Variants in SUPT3H observed in about 807,000 individuals in gnomAD.
The protein encoded by SUPT3H is SPT3 homolog, SAGA and STAGA complex component, also known as transcription initiation protein SPT3 homolog.
SUPT3H carries 44 observed loss-of-function variants against 44.3 expected under a neutral mutation model. The observed-to-expected ratio is 0.99, with a 90% CI of 0.78 to 1.28. SUPT3H has a LOEUF of 1.28. Ranked by LOEUF, SUPT3H falls within the 50% of genes most tolerant of loss-of-function variation. The probability of loss-of-function intolerance (pLI) is 0.00; values close to 1 mark genes in which losing one functional copy is unlikely to be tolerated. For synonymous variants in SUPT3H, 124 were observed against 125.6 expected (o/e 0.99, Z 0.09); for missense variants, 380 against 387.1 (o/e 0.98, Z 0.15).
chr6:45,365,096 C>T, intron 2 of SUPT3H, 105 bp downstream of exon 2: 1 of 727,966 alleles, frequency 1.4e-6, no homozygotes, highest in Non-Finnish European at 2.1e-6. Flanking sequence ...TGATTAATAA[C>T]AAATTATTTC....
At chr6:44,814,685 A>AT (rs962144616) in intron 11 of SUPT3H, among the ~76,000 whole-genome samples, 15 of 148,864 alleles carry the variant, frequency 1.0e-4, no homozygotes, top group South Asian at 6.5e-4. Context: ...TTTTACTGTT[A>AT]TTTTTTTTTT....
At chr6:45,065,746 C>G (rs897478654) in intron 3 of SUPT3H, among the ~76,000 whole-genome samples, 1 of 151,602 alleles carries the variant, frequency 6.6e-6, no homozygotes, top group Non-Finnish European at 1.5e-5. Flanking sequence ...TACACTCTCC[C>G]AAGACTAAAC....
At chr6:44,848,158 CG>C (rs918511643) in intron 10 of SUPT3H, among the ~76,000 whole-genome samples, 23 of 147,568 alleles carry the variant, frequency 1.6e-4, no homozygotes, top group African/African-American at 5.8e-4. Context: ...TTAGTAGAGA[CG>C]GGGTTTCACC....
chr6:44,858,425 T>C (rs1435687639), intron 10 of SUPT3H, among the ~76,000 whole-genome samples: 1 of 152,180 alleles, frequency 6.6e-6, no homozygotes, highest in Non-Finnish European at 1.5e-5. Context: ...ATTTTACGGA[T>C]GAAGAAGCTG....
chr6:44,922,013 T>C (rs1348204834), intron 10 of SUPT3H, among the ~76,000 whole-genome samples: 1 of 152,240 alleles, frequency 6.6e-6, no homozygotes, highest in East Asian at 1.9e-4. Flanking sequence ...ACTCCACCTA[T>C]TGGGCATATG....
intron 9 of SUPT3H, among the ~76,000 whole-genome samples, chr6:44,935,984 A>T (rs1270743632): frequency 6.6e-6 from 1 of 152,224 alleles, no homozygotes; most frequent in Non-Finnish European, 1.5e-5. Context: ...AATCAACTGC[A>T]TCTTATTCTT....
intron 10 of SUPT3H, among the ~76,000 whole-genome samples, chr6:44,928,901 A>AAAAAAAAAAAAAAAAAAAAAAAAAAAC (rs1770044749): frequency 1.2e-5 from 1 of 84,158 alleles, no homozygotes; most frequent in Non-Finnish European, 2.1e-5. Flanking sequence ...AAAAAAAAAA[A>AAAAAAAAAAAAAAAAAAAAAAAAAAAC]AAAGAAAAGA....
chr6:45,100,560 A>AAAAAAAAAAAAAAAC (rs1798425255), intron 3 of SUPT3H, among the ~76,000 whole-genome samples: 2 of 149,490 alleles, frequency 1.3e-5, no homozygotes, highest in Non-Finnish European at 3.0e-5. Flanking sequence ...AAAAAAAAAA[A>AAAAAAAAAAAAAAAC]AAAAGACACA....
At chr6:45,023,116 C>T (rs1785410496) in intron 3 of SUPT3H, among the ~76,000 whole-genome samples, 1 of 151,646 alleles carries the variant, frequency 6.6e-6, no homozygotes, top group Non-Finnish European at 1.5e-5. Context: ...AGGAGAAGAA[C>T]AGACACTTTT....
chr6:44,948,931 C>T (rs1305008986), intron 9 of SUPT3H, among the ~76,000 whole-genome samples: 2 of 152,158 alleles, frequency 1.3e-5, no homozygotes, highest in African/African-American at 4.8e-5. Context: ...GCTATAAAGA[C>T]ACATGCACAC....
intron 2 of SUPT3H, among the ~76,000 whole-genome samples, chr6:45,339,342 G>C (rs1306944009): frequency 6.6e-6 from 1 of 152,100 alleles, no homozygotes; most frequent in Non-Finnish European, 1.5e-5. Flanking sequence ...AAACTCCCTA[G>C]ATAAATTAGC....
rs1054513884 is a variant in SUPT3H at position 44,907,655 on chromosome 6, G to A, written c.912+24998C>T. 3.9e-5 allele frequency among the ~76,000 whole-genome samples: 6 copies of A among 152,120 alleles called. No individual in the cohort carries two copies. The East Asian group carries it at 1.2e-3, about 29-fold the overall frequency. On this transcript the variant is annotated intron_variant, in intron 10 of 10. Transcript: ENST00000371459. ...ATCATGCCACTGCACTCCAGCCTGGGCAACACAGTGAGACTCTGTCTCAAA... is the reference window on the plus strand; with the variant it reads ...ATCATGCCACTGCACTCCAGCCTGGACAACACAGTGAGACTCTGTCTCAAA...
At chr6:45,329,494 T>G (rs1787024666) in intron 2 of SUPT3H, among the ~76,000 whole-genome samples, 1 of 151,878 alleles carries the variant, frequency 6.6e-6, no homozygotes, top group African/African-American at 2.4e-5. Context: ...GCAACTGCAT[T>G]TTTCTATGTA....
At chr6:44,945,954 G>C (rs1296106567) in intron 9 of SUPT3H, among the ~76,000 whole-genome samples, 1 of 152,156 alleles carries the variant, frequency 6.6e-6, no homozygotes, top group East Asian at 1.9e-4. Flanking sequence ...CTTCAAAGCT[G>C]ACTCTCTTGT....
At chr6:45,108,654 A>C (rs1799627574) in intron 2 of SUPT3H, among the ~76,000 whole-genome samples, 1 of 152,170 alleles carries the variant, frequency 6.6e-6, no homozygotes, top group African/African-American at 2.4e-5. Flanking sequence ...CATGACATAA[A>C]CCTTTAGTAA....
At chr6:44,851,470 C>G (rs1308648016) in intron 10 of SUPT3H, among the ~76,000 whole-genome samples, 4 of 152,160 alleles carry the variant, frequency 2.6e-5, no homozygotes, top group Non-Finnish European at 4.4e-5. Flanking sequence ...TCAGATTGAT[C>G]TACCAAAATA....
intron 1 of SUPT3H, among the ~76,000 whole-genome samples, chr6:45,367,074 T>A (rs1795257625): frequency 1.3e-5 from 2 of 152,216 alleles, no homozygotes; most frequent in South Asian, 4.1e-4. Context: ...AAAAAGCTAC[T>A]ACAAATCACT....
At chr6:45,159,672 T>C (rs2153600516) in intron 2 of SUPT3H, among the ~76,000 whole-genome samples, 1 of 152,320 alleles carries the variant, frequency 6.6e-6, no homozygotes. Flanking sequence ...ATTTCTCATG[T>C]TTAAAGTGTT....
chr6:44,949,039 C>T (rs918225218), intron 9 of SUPT3H, among the ~76,000 whole-genome samples: 1 of 152,180 alleles, frequency 6.6e-6, no homozygotes, highest in African/African-American at 2.4e-5. Flanking sequence ...GGCACATATA[C>T]ACCATGGAAT....
Sources: gnomAD v4.1 joint callset for allele counts (sites outside exome capture counted in the v4.1 genomes callset) on GRCh38, gnomAD v4.1.1 for gene constraint, MANE v1.5 for transcripts, NCBI Gene and HGNC (gene_info 2026-07-23, HGNC 2026-07-21) for gene names.